CAB39L: variants seen among roughly 807,000 people sequenced by gnomAD.
CAB39L encodes calcium binding protein 39 like.
Under a neutral mutation model 39.1 loss-of-function variants are expected in CAB39L, and 23 were observed. The observed-to-expected ratio is 0.59, with a 90% CI of 0.42 to 0.83. The LOEUF is 0.83. CAB39L is among the 40% of genes least tolerant of loss of function. The pLI is 0.00. For synonymous variants in CAB39L, 126 were observed against 137.2 expected (o/e 0.92, Z 0.57); for missense variants, 366 against 391.9 (o/e 0.93, Z 0.56).
rs1456846089 is a variant in CAB39L, at chr13:49,310,428, A to C, written c.*386T>G. ...TGTGTGTCTACCTACAGATGGGCAA[A>C]GCATTTTTGCACCCTGGCCCCATTC... On this transcript the variant is annotated 3_prime_UTR_variant, in exon 11 of 11. Transcript: ENST00000409308. The C allele has an allele frequency of 5.7e-6, 1 of 174,854 alleles. No homozygotes were observed. Among genetic ancestry groups the C allele is most frequent in the East Asian group, 1.5e-4 (1 of 6,748 alleles). The allele number at this position is 174,854 out of a possible 1,614,324, so 10.8% of individuals were successfully genotyped here.
chr13:49,395,783 A>C (rs1268005001), intron 3 of CAB39L, among the ~76,000 whole-genome samples: 1 of 152,024 alleles, frequency 6.6e-6, no homozygotes. Context: ...CAACCACCCA[A>C]TTGAGTCATC....
At chr13:49,377,446 T>G (rs571704947) in intron 4 of CAB39L, among the ~76,000 whole-genome samples, 1 of 94,010 alleles carries the variant, frequency 1.1e-5, no homozygotes, top group East Asian at 2.1e-4. Context: ...CTCCCTCTCA[T>G]GCGGAGCCGA....
chr13:49,404,110 C>T (rs1289033254), intron 3 of CAB39L, among the ~76,000 whole-genome samples: 3 of 152,136 alleles, frequency 2.0e-5, no homozygotes, highest in South Asian at 4.1e-4. Context: ...CCAGCATTGA[C>T]GCAGTATAGT....
intron 10 of CAB39L, among the ~76,000 whole-genome samples, chr13:49,319,230 G>A (rs58096573): frequency 0.021 from 3,181 of 152,168 alleles, 89 homozygotes; most frequent in African/African-American, 0.063. Flanking sequence ...GTGACACAGC[G>A]AGACCCTGTC....
intron 5 of CAB39L, among the ~76,000 whole-genome samples, chr13:49,371,851 C>G (rs1955927564): frequency 1.3e-5 from 2 of 152,102 alleles, no homozygotes; most frequent in Admixed American, 1.3e-4. Flanking sequence ...CTCAGTCTCC[C>G]AAAGTGCTGG....
At chr13:49,344,156 CT>C in intron 8 of CAB39L, 22 bp downstream of exon 8, 1 of 1,443,518 alleles carries the variant, frequency 6.9e-7, no homozygotes, top group Non-Finnish European at 9.7e-7. Flanking sequence ...GTGGGAAAGT[CT>C]TTAAAAATGA....
intron 3 of CAB39L, among the ~76,000 whole-genome samples, chr13:49,401,845 T>C (rs540774601): frequency 6.6e-6 from 1 of 152,306 alleles, no homozygotes; most frequent in East Asian, 1.9e-4. Context: ...TGCTAGCTCC[T>C]GAAGGAAGAT....
intron 3 of CAB39L, among the ~76,000 whole-genome samples, chr13:49,423,018 A>G (rs2138714597): frequency 6.6e-6 from 1 of 152,332 alleles, no homozygotes; most frequent in African/African-American, 2.4e-5. Flanking sequence ...ATACGTAAAA[A>G]CTAGGAAAAA....
Position 49,310,845 on chromosome 13 carries a change from T to G in CAB39L, c.983A>C (p.Gln328Pro), listed in dbSNP as rs1190335523. 2 of 1,614,084 alleles carry G rather than the reference T, an allele frequency of 1.2e-6. No individual in the cohort carries two copies. Among genetic ancestry groups the G allele is most frequent in the East Asian group, 4.5e-5 (2 of 44,892 alleles). ...FADEKNYLIK[Q>P]IRDLKKTAP ...GGCCGTTTTCTTCAAGTCTCGGATC[T>G]GTTTAATCAAGTAGTTCTTCTCGTC... Residue 328 changes from glutamine to proline, a missense_variant, in exon 11 of 11, where the codon CAG becomes CCG. Coordinates refer to ENST00000409308, the MANE Select transcript of CAB39L (RefSeq NM_001079670.3).
chr13:49,346,100 G>GATAGATATATATATAT lies in CAB39L; in HGVS notation c.565-1863_565-1862insATATATATATATCTAT, dbSNP rs1955155415. 7.4e-4 allele frequency among the ~76,000 whole-genome samples: 23 copies of GATAGATATATATATAT among 30,920 alleles called. 1 individual carries two copies. In the South Asian group the frequency reaches 0.011, roughly 14 times the overall value. The allele number at this position is 30,920 out of a possible 152,430, so 20.3% of individuals were successfully genotyped here. ...GATATATATATATATATATATGCTAGATATATATATATATATATATATATC... is the reference window on the plus strand; with the variant it reads ...GATATATATATATATATATATGCTAGATAGATATATATATATATATATATATATATATATATATATC... On this transcript the variant is annotated intron_variant, in intron 7 of 10. Transcript: ENST00000409308.
rs572327051 is a variant in CAB39L, at chr13:49,406,618, C to T, written c.-31-23677G>A. 4.7e-3 allele frequency among the ~76,000 whole-genome samples: 717 copies of T among 151,824 alleles called. 1 individual carries two copies. The highest frequency in any genetic ancestry group is 8.2e-3 in the Non-Finnish European group (554 of 67,952). ...TATAAATATATACACCTACTATGTA[C>T]CCTAAAAATTAAAATTTTGAAAATT... On this transcript the variant is annotated intron_variant, in intron 3 of 10. Transcript: ENST00000409308.
intron 9 of CAB39L, among the ~76,000 whole-genome samples, chr13:49,336,561 T>A (rs1954853474): frequency 6.6e-6 from 1 of 152,178 alleles, no homozygotes; most frequent in Non-Finnish European, 1.5e-5. Context: ...TTTGGTTCAA[T>A]CACCTTAGTT....
intron 1 of CAB39L, among the ~76,000 whole-genome samples, chr13:49,438,701 T>C (rs977082654): frequency 6.6e-6 from 1 of 152,224 alleles, no homozygotes; most frequent in Non-Finnish European, 1.5e-5. Flanking sequence ...CCCCCATCAA[T>C]GCAAGAAGGG....
intron 5 of CAB39L, among the ~76,000 whole-genome samples, chr13:49,369,639 G>A (rs1955862452): frequency 6.6e-6 from 1 of 151,094 alleles, no homozygotes; most frequent in Non-Finnish European, 1.5e-5. Flanking sequence ...CCAGGCTGAA[G>A]TGCAGTGGCA....
chr13:49,393,516 T>C (rs1384816645), intron 3 of CAB39L, among the ~76,000 whole-genome samples: 1 of 152,018 alleles, frequency 6.6e-6, no homozygotes, highest in Admixed American at 6.5e-5. Context: ...TTCTAGAATG[T>C]GGCTTAGCTA....
intron 1 of CAB39L, among the ~76,000 whole-genome samples, chr13:49,441,695 T>G (rs1957528025): frequency 1.3e-5 from 2 of 152,236 alleles, no homozygotes. Context: ...CTATAAATAT[T>G]TGCAGAGCAG....
chr13:49,419,257 C>T (rs1435650532), intron 3 of CAB39L, among the ~76,000 whole-genome samples: 1 of 152,184 alleles, frequency 6.6e-6, no homozygotes, highest in Non-Finnish European at 1.5e-5. Flanking sequence ...CGTGAACCAC[C>T]CTTAGTCATC....
intron 3 of CAB39L, among the ~76,000 whole-genome samples, chr13:49,405,705 GAAAGAA>G (rs1391409317): frequency 2.2e-5 from 3 of 134,304 alleles, no homozygotes; most frequent in African/African-American, 8.2e-5. Context: ...AAGAAAGAAA[GAAAGAA>G]AGAGAGAGAG....
intron 2 of CAB39L, among the ~76,000 whole-genome samples, 187 bp downstream of exon 2, chr13:49,433,899 G>A (rs1957366961): frequency 6.6e-6 from 1 of 152,044 alleles, no homozygotes; most frequent in Non-Finnish European, 1.5e-5. Flanking sequence ...AGCTTTGAAG[G>A]GTTTCTTGCT....
Sources: allele counts gnomAD v4.1 joint callset (sites outside exome capture counted in the v4.1 genomes callset), GRCh38; gene constraint gnomAD v4.1.1; transcripts MANE v1.5; gene names NCBI Gene and HGNC (gene_info 2026-07-23, HGNC 2026-07-21).